The following RPS6KC1 variants were observed in gnomAD, a reference collection of about 807,000 sequenced individuals.
RPS6KC1 encodes the protein inactive ribosomal protein S6 kinase delta-1.
In RPS6KC1, 54 loss-of-function variants were observed where a neutral mutation model predicts 103.8. The ratio of observed to expected loss-of-function variants is 0.52; its 90% CI spans 0.42 to 0.65. The LOEUF is 0.65. RPS6KC1 is among the 30% of genes least tolerant of loss of function. The pLI is 0.00. For synonymous variants in RPS6KC1, 439 were observed against 438.7 expected (o/e 1.00, Z -0.01); for missense variants, 1,151 against 1,253.8 (o/e 0.92, Z 1.24).
the RPS6KC1 span, among the ~76,000 whole-genome samples, chr1:213,419,502 CAG>C: frequency 6.6e-6 from 1 of 152,102 alleles, no homozygotes; most frequent in Non-Finnish European, 1.5e-5. Context: ...ACCTGAGAGG[CAG>C]AGAGGTTAAG....
the RPS6KC1 span, among the ~76,000 whole-genome samples, chr1:213,692,477 C>G: frequency 6.6e-6 from 1 of 151,926 alleles, no homozygotes; most frequent in Non-Finnish European, 1.5e-5. Context: ...TTGAGAGATT[C>G]AAGCGTATGG....
intron 10 of RPS6KC1, among the ~76,000 whole-genome samples, chr1:213,235,389 G>A (rs929383233): frequency 1.3e-5 from 2 of 152,084 alleles, no homozygotes; most frequent in African/African-American, 4.8e-5. Context: ...AAATATTTAA[G>A]TAAATATATG....
chr1:213,172,169 A>C (rs982854804), intron 7 of RPS6KC1, among the ~76,000 whole-genome samples: 1 of 152,196 alleles, frequency 6.6e-6, no homozygotes, highest in Non-Finnish European at 1.5e-5. Flanking sequence ...GGTGCACATA[A>C]AATTTAAGAA....
At chr1:213,519,576 T>G in the RPS6KC1 span, among the ~76,000 whole-genome samples, 1 of 152,166 alleles carries the variant, frequency 6.6e-6, no homozygotes, top group South Asian at 2.1e-4. Context: ...GTAAAATGAA[T>G]GTTTAGGCTG....
chr1:213,445,228 T>C, the RPS6KC1 span, among the ~76,000 whole-genome samples: 1 of 152,228 alleles, frequency 6.6e-6, no homozygotes, highest in East Asian at 1.9e-4. Context: ...GGACATATCA[T>C]GTTTTATTTC....
At chr1:213,576,352 A>G in the RPS6KC1 span, among the ~76,000 whole-genome samples, 1 of 149,758 alleles carries the variant, frequency 6.7e-6, no homozygotes, top group Non-Finnish European at 1.5e-5. Flanking sequence ...TGCATTATTG[A>G]GCTTTTCAGA....
chr1:213,698,231 T>C, the RPS6KC1 span, among the ~76,000 whole-genome samples: 4 of 152,258 alleles, frequency 2.6e-5, no homozygotes, highest in African/African-American at 9.6e-5. Context: ...GGTAAACGTA[T>C]TTAATGCTCA....
the RPS6KC1 span, among the ~76,000 whole-genome samples, chr1:213,848,342 T>C: frequency 1.3e-5 from 2 of 152,304 alleles, no homozygotes; most frequent in South Asian, 4.1e-4. Flanking sequence ...TGCTTTTTGC[T>C]GTTACAGATT....
chr1:213,477,757 C>A, the RPS6KC1 span, among the ~76,000 whole-genome samples: 2 of 152,146 alleles, frequency 1.3e-5, no homozygotes, highest in African/African-American at 2.4e-5. Flanking sequence ...AGGTTCACAG[C>A]AAAATTGAGT....
chr1:213,090,929 T>TTA (rs1399217482), intron 3 of RPS6KC1, among the ~76,000 whole-genome samples: 1 of 152,266 alleles, frequency 6.6e-6, no homozygotes, highest in Non-Finnish European at 1.5e-5. Context: ...AAATCTCTAA[T>TTA]GTCTGGCTTA....
chr1:213,349,251 C>T, the RPS6KC1 span, among the ~76,000 whole-genome samples: 1 of 152,122 alleles, frequency 6.6e-6, no homozygotes, highest in Non-Finnish European at 1.5e-5. Flanking sequence ...TTGAACATAA[C>T]CCAAAAATAT....
chr1:213,850,219 T>C, the RPS6KC1 span, among the ~76,000 whole-genome samples: 1 of 152,240 alleles, frequency 6.6e-6, no homozygotes, highest in African/African-American at 2.4e-5. Flanking sequence ...TTAAGTATGA[T>C]GTTGGCTGTT....
chr1:213,104,056 CAA>C (rs2082251988), intron 3 of RPS6KC1, among the ~76,000 whole-genome samples: 2 of 152,002 alleles, frequency 1.3e-5, no homozygotes. Flanking sequence ...CTTTATAAAT[CAA>C]AAAGAGTAGA....
chr1:213,861,984 T>C, the RPS6KC1 span, among the ~76,000 whole-genome samples: 1 of 151,892 alleles, frequency 6.6e-6, no homozygotes, highest in Admixed American at 6.6e-5. Flanking sequence ...TTCAAGGAGA[T>C]CAAAAGAGGC....
the RPS6KC1 span, among the ~76,000 whole-genome samples, chr1:213,408,681 T>C: frequency 6.6e-6 from 1 of 152,218 alleles, no homozygotes; most frequent in Non-Finnish European, 1.5e-5. Context: ...TCGGAGCCTG[T>C]AATTGCATAA....
chr1:213,634,942 C>G, the RPS6KC1 span, among the ~76,000 whole-genome samples: 1 of 151,996 alleles, frequency 6.6e-6, no homozygotes, highest in African/African-American at 2.4e-5. Flanking sequence ...AAGGGGATAT[C>G]ACCACCGATC....
At chr1:213,461,369 A>G in the RPS6KC1 span, among the ~76,000 whole-genome samples, 2 of 152,356 alleles carry the variant, frequency 1.3e-5, no homozygotes, top group South Asian at 2.1e-4. Flanking sequence ...TAAGTAATTT[A>G]TAGATTCAAT....
At chr1:213,612,076 T>C in the RPS6KC1 span, among the ~76,000 whole-genome samples, 12 of 152,296 alleles carry the variant, frequency 7.9e-5, no homozygotes, top group South Asian at 2.5e-3. Context: ...GGTCAGCAGC[T>C]CTCAGATGTG....
At chr1:213,774,243 T>C in the RPS6KC1 span, among the ~76,000 whole-genome samples, 540 of 152,332 alleles carry the variant, frequency 3.5e-3, 3 homozygotes, top group African/African-American at 0.013. Context: ...TTGGTTACAG[T>C]GTGACCCTTT....
Sources: gnomAD v4.1 joint callset for allele counts (sites outside exome capture counted in the v4.1 genomes callset) on GRCh38, gnomAD v4.1.1 for gene constraint, MANE v1.5 for transcripts, NCBI Gene and HGNC (gene_info 2026-07-23, HGNC 2026-07-21) for gene names.